The following MPRIP variants were observed in gnomAD, a reference collection of about 807,000 sequenced individuals.
MPRIP encodes the protein myosin phosphatase Rho interacting protein, also known as myosin phosphatase Rho-interacting protein.
Under a neutral mutation model 234.9 loss-of-function variants are expected in MPRIP, and 59 were observed. The observed-to-expected ratio is 0.25, with a 90% CI of 0.20 to 0.31. MPRIP has a LOEUF of 0.31. MPRIP is among the 10% of genes least tolerant of loss of function. The probability of loss-of-function intolerance (pLI) is 1.00; values close to 1 mark genes in which losing one functional copy is unlikely to be tolerated. For missense variants in MPRIP, 2,436 were observed against 3,071.0 expected (o/e 0.79, Z 4.89); for synonymous variants, 1,144 against 1,263.9 (o/e 0.91, Z 2.01).
chr17:17,089,612 T>A (rs2089669297), intron 3 of MPRIP, among the ~76,000 whole-genome samples: 1 of 152,126 alleles, frequency 6.6e-6, no homozygotes, highest in African/African-American at 2.4e-5. Context: ...GGATTACAGA[T>A]GCTCCGGTGT....
In MPRIP at chr17:17,166,454, G is replaced by A; in HGVS notation, c.4863G>A (p.Val1621=). The part of the protein sequence containing the change: ...PVDTWARKVL[V]DGEFWSQVES... ...ACACCTGGGCCAGGAAGGTCCTAGT[G>A]GATGGTGAGTTCTGGAGCCAGGTTG... The change falls in exon 16 of 24, where the codon GTG becomes GTA. Residue 1621 remains valine, a synonymous_variant. Transcript: ENST00000651222. This position sits in a 1 kb window ranked among gnomAD's most constrained non-coding sequence, Gnocchi z 4.4. 2 of 1,304,344 alleles carry A rather than the reference G, an allele frequency of 1.5e-6. No homozygotes were observed. The highest frequency in any genetic ancestry group is 1.0e-6 in the Non-Finnish European group (1 of 988,960). 80.8% of individuals were successfully genotyped at this position (1,304,344 alleles called of 1,614,324 possible).
chr17:17,157,209 G>A (rs1252979905), intron 13 of MPRIP, among the ~76,000 whole-genome samples: 6 of 152,170 alleles, frequency 3.9e-5, no homozygotes, highest in Non-Finnish European at 7.3e-5. Flanking sequence ...TACTGCAGAC[G>A]AGGCCTCCCC....
chr17:17,075,564 CAG>C (rs1262582914), intron 1 of MPRIP, 144 bp from the exon 2 acceptor site: 8 of 708,174 alleles, frequency 1.1e-5, no homozygotes, highest in Non-Finnish European at 1.5e-5. Context: ...CAAGCAGCTG[CAG>C]ACGCACCGCA....
At chr17:17,106,223 G>A (rs773955694) in intron 3 of MPRIP, among the ~76,000 whole-genome samples, 6 of 152,326 alleles carry the variant, frequency 3.9e-5, no homozygotes, top group Middle Eastern at 3.4e-3. Context: ...TCAGTACCCC[G>A]TTTTCTACTG....
At chr17:17,074,486 T>C (rs2089279062) in intron 1 of MPRIP, among the ~76,000 whole-genome samples, 1 of 152,262 alleles carries the variant, frequency 6.6e-6, no homozygotes, top group Non-Finnish European at 1.5e-5. Context: ...TAAGTTGAGC[T>C]ATAATTCACA....
intron 3 of MPRIP, among the ~76,000 whole-genome samples, chr17:17,089,848 G>A (rs889701643): frequency 6.6e-6 from 1 of 152,224 alleles, no homozygotes; most frequent in Non-Finnish European, 1.5e-5. Flanking sequence ...ACCTGGAAGA[G>A]CCAGCCCCGT....
At chr17:17,133,339 A>C (rs779680995) in intron 5 of MPRIP, among the ~76,000 whole-genome samples, 2 of 152,138 alleles carry the variant, frequency 1.3e-5, no homozygotes, top group Non-Finnish European at 2.9e-5. Flanking sequence ...TTGTAATCAG[A>C]GGCCATCTCT....
At chr17:17,095,995 TC>T (rs138116019) in intron 3 of MPRIP, among the ~76,000 whole-genome samples, 1 of 151,574 alleles carries the variant, frequency 6.6e-6, no homozygotes, top group South Asian at 2.1e-4. Context: ...AGTTTATACC[TC>T]CCCCCCACAC....
chr17:17,126,695 C>T lies in MPRIP; in HGVS notation c.268-7C>T, dbSNP rs753158661. On this transcript the variant is annotated splice_region_variant and splice_polypyrimidine_tract_variant and intron_variant, in intron 3 of 23. Coordinates refer to ENST00000651222, the MANE Select transcript of MPRIP (RefSeq NM_001364716.4). Reference sequence around the variant, plus strand: ...CCTCTGGGTGACTCTCTGCCGCCTTCTTCCAGCCCACGACCCTTCCTCAGG... The same window carrying T: ...CCTCTGGGTGACTCTCTGCCGCCTTTTTCCAGCCCACGACCCTTCCTCAGG... The T allele has an allele frequency of 1.2e-6, 2 of 1,607,782 alleles. No homozygotes were observed. The highest frequency in any genetic ancestry group is 1.1e-5 in the South Asian group (1 of 90,502).
At chr17:17,140,227 A>G (rs1873417322) in intron 7 of MPRIP, among the ~76,000 whole-genome samples, 1 of 152,160 alleles carries the variant, frequency 6.6e-6, no homozygotes, top group South Asian at 2.1e-4. Context: ...GCCAGACCAC[A>G]GAATTAGCAT....
chr17:17,089,557 T>G (rs2089667747), intron 3 of MPRIP, among the ~76,000 whole-genome samples: 1 of 152,138 alleles, frequency 6.6e-6, no homozygotes, highest in African/African-American at 2.4e-5. Context: ...AGCCTTGAGC[T>G]CCTGGGCCCA....
chr17:17,143,811 C>T (rs1389711122), intron 9 of MPRIP, 142 bp downstream of exon 9: 3 of 462,832 alleles, frequency 6.5e-6, no homozygotes, highest in Admixed American at 4.3e-5. Flanking sequence ...CCCCACCCAC[C>T]GACCCACAGG....
chr17:17,083,906 G>A (rs1208708759), intron 3 of MPRIP, among the ~76,000 whole-genome samples: 1 of 152,112 alleles, frequency 6.6e-6, no homozygotes, highest in Non-Finnish European at 1.5e-5. Flanking sequence ...ACCATGCCCG[G>A]CTAATTTTTT....
rs140672888 is a variant in MPRIP at position 17,115,072 on chromosome 17, C to T, written c.268-11630C>T. ...CTGCAGCACCAAGGCTGGGGCGAGGCCCACACTGCATTGTTGCTGCTGGCA... is the reference window on the plus strand; with the variant it reads ...CTGCAGCACCAAGGCTGGGGCGAGGTCCACACTGCATTGTTGCTGCTGGCA... On this transcript the variant is annotated intron_variant, in intron 3 of 23. Transcript: ENST00000651222. Among the ~76,000 whole-genome samples, 502 of 152,362 alleles carry T rather than the reference C, an allele frequency of 3.3e-3. 3 individuals carry two copies. Among genetic ancestry groups the T allele is most frequent in the African/African-American group, 0.012 (487 of 41,580 alleles).
At chr17:17,050,782 G>A (rs1000019674) in intron 1 of MPRIP, among the ~76,000 whole-genome samples, 9 of 152,276 alleles carry the variant, frequency 5.9e-5, no homozygotes, top group African/African-American at 1.9e-4. Context: ...AGGGGCAGAA[G>A]GGAGGAAGGT....
intron 7 of MPRIP, chr17:17,142,360 A>C: frequency 2.7e-6 from 1 of 375,590 alleles, no homozygotes; most frequent in Non-Finnish European, 4.9e-6. Flanking sequence ...AGCTGTGTGA[A>C]TGCCGAGTGG....
At chr17:17,148,876 A>G (rs1364330495) in intron 11 of MPRIP, among the ~76,000 whole-genome samples, 3 of 152,260 alleles carry the variant, frequency 2.0e-5, no homozygotes, top group Non-Finnish European at 4.4e-5. Flanking sequence ...TTGAGCTTCC[A>G]AGCAAAAATT....
chr17:17,083,304 T>C (rs2089508413), intron 3 of MPRIP, among the ~76,000 whole-genome samples: 1 of 152,222 alleles, frequency 6.6e-6, no homozygotes, highest in Non-Finnish European at 1.5e-5. Context: ...TTGGGGTGCC[T>C]GTGTACTTGT....
At chr17:17,175,550 C>A in intron 20 of MPRIP, 138 bp downstream of exon 20, 1 of 1,205,846 alleles carries the variant, frequency 8.3e-7, no homozygotes, top group Non-Finnish European at 1.1e-6. Context: ...CAGGAAGATC[C>A]AAATCACCCG....
Sources: gnomAD v4.1 joint callset for allele counts (sites outside exome capture counted in the v4.1 genomes callset) on GRCh38, gnomAD v4.1.1 for gene constraint, Gnocchi (gnomAD v3.1) non-coding constraint, MANE v1.5 for transcripts, NCBI Gene and HGNC (gene_info 2026-07-23, HGNC 2026-07-21) for gene names.